Variants in C16orf74 observed in about 807,000 individuals in gnomAD.
C16orf74 encodes the protein uncharacterized protein C16orf74.
C16orf74 carries 10 observed loss-of-function variants against 6.5 expected under a neutral mutation model. The observed-to-expected ratio is 1.54, with a 90% CI of 0.95 to 2.61. C16orf74 has a LOEUF of 2.61. Ranked by LOEUF, C16orf74 falls within the 30% of genes most tolerant of loss-of-function variation. The pLI, the probability that C16orf74 is intolerant of heterozygous loss-of-function variation, is 0.00. For synonymous variants in C16orf74, 60 were observed against 42.5 expected (o/e 1.41, Z -1.60); for missense variants, 141 against 105.9 (o/e 1.33, Z -1.45).
intron 2 of C16orf74, among the ~76,000 whole-genome samples, chr16:85,711,640 A>G (rs1279322082): frequency 2.2e-5 from 3 of 133,956 alleles, no homozygotes; most frequent in East Asian, 2.1e-4. Context: ...AAAAAAAAAA[A>G]AAAAAATTAA....
chr16:85,720,738 G>A (rs1363721822), intron 2 of C16orf74, among the ~76,000 whole-genome samples: 3 of 145,338 alleles, frequency 2.1e-5, no homozygotes, highest in East Asian at 2.0e-4. Flanking sequence ...ATCACACCAC[G>A]GCACCCCAGC....
intron 2 of C16orf74, among the ~76,000 whole-genome samples, chr16:85,725,088 CT>C (rs1013778954): frequency 2.0e-5 from 3 of 152,160 alleles, no homozygotes; most frequent in African/African-American, 7.2e-5. Flanking sequence ...GGCTAAGTCC[CT>C]GCTGTAAGCC....
At chr16:85,729,055 T>G (rs907056754) in intron 2 of C16orf74, among the ~76,000 whole-genome samples, 2 of 152,120 alleles carry the variant, frequency 1.3e-5, no homozygotes, top group African/African-American at 4.8e-5. Flanking sequence ...AGCAGGACCA[T>G]GCCATTTCCT....
intron 1 of C16orf74, among the ~76,000 whole-genome samples, chr16:85,746,436 A>AATC (rs1316777479): frequency 6.6e-6 from 1 of 152,196 alleles, no homozygotes; most frequent in Admixed American, 6.5e-5. Flanking sequence ...CACTCTATTC[A>AATC]AGGTCATCTG....
intron 1 of C16orf74, among the ~76,000 whole-genome samples, chr16:85,747,986 T>G (rs769092594): frequency 2.0e-5 from 3 of 150,204 alleles, no homozygotes; most frequent in African/African-American, 7.4e-5. Flanking sequence ...ACTCAGGAGG[T>G]TGAGGTAGAG....
chr16:85,732,310 G>A (rs2054197243), intron 2 of C16orf74, among the ~76,000 whole-genome samples: 1 of 152,154 alleles, frequency 6.6e-6, no homozygotes, highest in East Asian at 1.9e-4. Flanking sequence ...TCTTACGGCA[G>A]CCCTAGGACA....
intron 1 of C16orf74, among the ~76,000 whole-genome samples, chr16:85,738,521 G>T (rs1490125422): frequency 1.3e-5 from 2 of 151,522 alleles, no homozygotes; most frequent in African/African-American, 4.9e-5. Context: ...AGTAGAAATG[G>T]GATTTTGTCA....
Position 85,721,671 on chromosome 16 carries a change from C to T in C16orf74, c.29-11364G>A, listed in dbSNP as rs149832409. Among the ~76,000 whole-genome samples the T allele has an allele frequency of 1.1e-4, 17 of 152,334 alleles. No homozygotes were observed. The East Asian group carries it at 2.7e-3, about 24-fold the overall frequency. ...GTCGGGGGAGCAGGCCCGTCACCCA[C>T]GGTCTTCAAAGACAGGGGTAATTGT... On this transcript the variant is annotated intron_variant, in intron 2 of 3. Transcript: ENST00000284245.
At chr16:85,750,258 G>A (rs2054421944) in intron 1 of C16orf74, among the ~76,000 whole-genome samples, 1 of 152,162 alleles carries the variant, frequency 6.6e-6, no homozygotes, top group Non-Finnish European at 1.5e-5. Flanking sequence ...TCTGGGCCCC[G>A]CAGCCGGAGG....
At chr16:85,716,976 G>A (rs564867565) in intron 2 of C16orf74, among the ~76,000 whole-genome samples, 1 of 152,216 alleles carries the variant, frequency 6.6e-6, no homozygotes, top group East Asian at 1.9e-4. Flanking sequence ...CCAGAAGGAA[G>A]GGAGCAGATC....
chr16:85,718,618 G>T (rs189915789), intron 2 of C16orf74, among the ~76,000 whole-genome samples: 1 of 152,318 alleles, frequency 6.6e-6, no homozygotes, highest in African/African-American at 2.4e-5. Flanking sequence ...GTCCGGGTGG[G>T]CAGGCATGAG....
chr16:85,718,707 C>T (rs1052219699), intron 2 of C16orf74, among the ~76,000 whole-genome samples: 1 of 152,264 alleles, frequency 6.6e-6, no homozygotes, highest in Non-Finnish European at 1.5e-5. Flanking sequence ...GATGAGAAAA[C>T]TCCAGTGCTG....
intron 2 of C16orf74, among the ~76,000 whole-genome samples, chr16:85,730,522 C>T (rs572518217): frequency 2.1e-5 from 3 of 140,776 alleles, no homozygotes; most frequent in East Asian, 4.2e-4. Flanking sequence ...CCACATCAGC[C>T]GAGGGAACCC....
intron 1 of C16orf74, among the ~76,000 whole-genome samples, chr16:85,742,009 G>A (rs779951164): frequency 2.0e-5 from 3 of 152,184 alleles, no homozygotes; most frequent in Non-Finnish European, 2.9e-5. Context: ...TGAACAGCTT[G>A]CTTGGTGCCG....
At chr16:85,731,318 G>C (rs2054185017) in intron 2 of C16orf74, among the ~76,000 whole-genome samples, 1 of 152,282 alleles carries the variant, frequency 6.6e-6, no homozygotes, top group African/African-American at 2.4e-5. Flanking sequence ...ACTGAGCATG[G>C]GGCCCTGTGC....
At chr16:85,717,884 C>T (rs972412582) in intron 2 of C16orf74, among the ~76,000 whole-genome samples, 1 of 152,172 alleles carries the variant, frequency 6.6e-6, no homozygotes, top group Non-Finnish European at 1.5e-5. Flanking sequence ...TTCAAAAGCC[C>T]TGAGCCAGGC....
intron 1 of C16orf74, among the ~76,000 whole-genome samples, chr16:85,749,828 G>T (rs1308737443): frequency 6.6e-6 from 1 of 152,230 alleles, no homozygotes; most frequent in African/African-American, 2.4e-5. Flanking sequence ...ATGGGAAGGC[G>T]CTTCCAGGGA....
intron 3 of C16orf74, among the ~76,000 whole-genome samples, chr16:85,709,767 C>T (rs1429665053): frequency 6.6e-6 from 1 of 152,220 alleles, no homozygotes; most frequent in Non-Finnish European, 1.5e-5. Flanking sequence ...AGCCTGGGCA[C>T]GAGCTGTGTT....
At chr16:85,726,541 C>T (rs2054134768) in intron 2 of C16orf74, among the ~76,000 whole-genome samples, 1 of 152,096 alleles carries the variant, frequency 6.6e-6, no homozygotes, top group Non-Finnish European at 1.5e-5. Context: ...CAGGCAGGAG[C>T]CTGAGCCCAT....
Sources: allele counts gnomAD v4.1 joint callset (sites outside exome capture counted in the v4.1 genomes callset), GRCh38; gene constraint gnomAD v4.1.1; transcripts MANE v1.5; gene names NCBI Gene and HGNC (gene_info 2026-07-23, HGNC 2026-07-21).